Variants in LRG1 observed in about 807,000 individuals in gnomAD.
LRG1 encodes leucine rich alpha-2-glycoprotein 1.
In LRG1, 1 loss-of-function variant was observed where a neutral mutation model predicts 2.4. The ratio of observed to expected loss-of-function variants is 0.41; its 90% CI spans 0.15 to 1.95. LRG1 has a LOEUF of 1.95. Ranked by LOEUF, LRG1 falls within the 30% of genes most tolerant of loss-of-function variation. The pLI is 0.30. For synonymous variants in LRG1, 226 were observed against 210.6 expected (o/e 1.07, Z -0.63); for missense variants, 425 against 436.9 (o/e 0.97, Z 0.24).
rs147721505 is a variant in LRG1, at chr19:4,538,746, G to A, written c.238C>T (p.Leu80=). 4.5e-4 allele frequency: 718 copies of A among 1,606,060 alleles called. 5 individuals carry two copies. The African/African-American group carries it at 9.2e-3, about 21-fold the overall frequency. ...AGGAGGTTGGCTGGCAGGTGGGTCAGGTTGAAGAATTCCACGGCCAGGTGC... is the reference window on the plus strand; with the variant it reads ...AGGAGGTTGGCTGGCAGGTGGGTCAAGTTGAAGAATTCCACGGCCAGGTGC... The part of the protein sequence containing the change: ...TVHLAVEFFN[L]THLPANLLQG... The change falls in exon 2 of 2, where the codon CTG becomes TTG. Residue 80 remains leucine (L), a synonymous_variant. Coordinates refer to ENST00000306390, the MANE Select transcript of LRG1 (RefSeq NM_052972.3).
intron 1 of LRG1, 26 bp from the exon 2 acceptor site, chr19:4,538,977 A>T: frequency 2.0e-6 from 3 of 1,490,316 alleles, no homozygotes; most frequent in Middle Eastern, 1.8e-4. Flanking sequence ...GAAGATGCTT[A>T]CTAAACCACA....
Position 4,538,446 on chromosome 19 carries a change from G to C in LRG1, c.538C>G (p.Pro180Ala), listed in dbSNP as rs754014243. 4 of 1,614,080 alleles carry C rather than the reference G, an allele frequency of 2.5e-6. No homozygotes were observed. The highest frequency in any genetic ancestry group is 3.4e-6 in the Non-Finnish European group (4 of 1,180,026). Residue 180 changes from proline (P) to alanine (A), a missense_variant, in exon 2 of 2, where the codon CCC (proline) becomes GCC (alanine). By Grantham distance (27) the Pro-to-Ala change is conservative. Coordinates refer to ENST00000306390, the MANE Select transcript of LRG1 (RefSeq NM_052972.3). Reference sequence around the variant, plus strand: ...GTGAAGTTGGCCAGCAGCCCGGGGGGCAGTTTCCGGAGGCGGTTCCCAGAC... The same window carrying C: ...GTGAAGTTGGCCAGCAGCCCGGGGGCCAGTTTCCGGAGGCGGTTCCCAGAC... ...DLSGNRLRKLPPGLLANFTLL... is the reference protein window; with the variant it reads ...DLSGNRLRKLAPGLLANFTLL...
rs1568248662 is a variant in LRG1, at chr19:4,538,314, A to AT, written c.669dup (p.Leu224IlefsTer47). 1 of 1,614,172 alleles carries AT rather than the reference A, an allele frequency of 6.2e-7. No individual in the cohort carries two copies. Among genetic ancestry groups the AT allele is most frequent in the Admixed American group, 1.7e-5 (1 of 60,024 alleles). ...AGGAGATCTTTTCCCAGTACTTGCA[A>AT]TTTGTTGCCTTCTAGATGTAGCCGT... On this transcript the variant is annotated frameshift_variant, in exon 2 of 2. Coordinates refer to ENST00000306390, the MANE Select transcript of LRG1 (RefSeq NM_052972.3). LOFTEE classifies it low-confidence loss of function (END_TRUNC).
At chr19:4,539,862 T>C in intron 1 of LRG1, 120 bp downstream of exon 1, 1 of 1,165,878 alleles carries the variant, frequency 8.6e-7, no homozygotes, top group Non-Finnish European at 1.3e-6. Context: ...AAGGTTGATC[T>C]GTGCCAGCCA....
rs116733978 is a variant in LRG1 at position 4,539,992 on chromosome 19, G to A, written c.22C>T (p.Arg8Ter). 179 of 1,614,102 alleles carry A rather than the reference G, an allele frequency of 1.1e-4. No individual in the cohort carries two copies. The African/African-American group carries it at 2.1e-3, about 19-fold the overall frequency. The stretch of plus-strand genomic sequence containing the variant: ...AGTGTGGGGACCTACCTTTTTGGTC[G>A]CTGTCTGCTCCAAGAGGACATGGTA... The part of the protein sequence containing the change: MSSWSRQ[R>*]PKSPGGIQPH... The change falls in exon 1 of 2, where the codon CGA becomes TGA. Residue 8 changes from arginine to a stop codon, truncating the protein, a stop_gained. Transcript: ENST00000306390. LOFTEE classifies it low-confidence loss of function (END_TRUNC).
chr19:4,538,720 G>A lies in LRG1; in HGVS notation c.264C>T (p.Leu88=). ...ATTCTTGGAGCTTAGAGGCGCCCTG[G>A]AGGAGGTTGGCTGGCAGGTGGGTCA... ...FNLTHLPANL[L]QGASKLQELH... Residue 88 remains leucine (L), a synonymous_variant, in exon 2 of 2, where the codon CTC becomes CTT. Transcript: ENST00000306390. The A allele has an allele frequency of 6.2e-7, 1 of 1,604,654 alleles. No homozygotes were observed. Among genetic ancestry groups the A allele is most frequent in the Non-Finnish European group, 8.5e-7 (1 of 1,171,998 alleles).
rs1393980523 is a variant in LRG1, at chr19:4,539,101, G to C, written c.33-150C>G. ...CTCATCTCTCACCTGTACTAGGGCA[G>C]TTGCTTCCTCCTCCTCTTCCAGCTT... On this transcript the variant is annotated intron_variant, in intron 1 of 1. Transcript: ENST00000306390. The C allele has an allele frequency of 4.3e-5, 27 of 634,794 alleles. No individual in the cohort carries two copies. In the East Asian group the frequency reaches 8.2e-4, roughly 19 times the overall value. 39.3% of individuals were successfully genotyped at this position (634,794 alleles called of 1,614,324 possible).
At chr19:4,539,019 C>A in intron 1 of LRG1, 68 bp from the exon 2 acceptor site, 1 of 1,410,934 alleles carries the variant, frequency 7.1e-7, no homozygotes, top group South Asian at 1.6e-5. Flanking sequence ...TGAAAATACA[C>A]CAGCAAATCC....
At position 4,538,417 on chromosome 19, in the gene LRG1, G is replaced by A; in HGVS notation, c.567C>T (p.Leu189=). Residue 189 remains leucine (L), a synonymous_variant, in exon 2 of 2, where the codon CTC becomes CTT. Transcript: ENST00000306390. ...LPPGLLANFT[L]LRTLDLGENQ... ...TCTCCCCAAGGTCAAGGGTGCGCAGGAGGGTGAAGTTGGCCAGCAGCCCGG... is the reference window on the plus strand; with the variant it reads ...TCTCCCCAAGGTCAAGGGTGCGCAGAAGGGTGAAGTTGGCCAGCAGCCCGG... The A allele has an allele frequency of 6.2e-7, 1 of 1,614,172 alleles. No homozygotes were observed. Among genetic ancestry groups the A allele is most frequent in the Non-Finnish European group, 8.5e-7 (1 of 1,180,046 alleles).
In LRG1 at chr19:4,538,783, T is replaced by G. The variant is rs574490473; in HGVS notation, c.201A>C (p.Pro67=). The part of the protein sequence containing the change: ...QPPAEIPGYL[P]ADTVHLAVEF... Reference sequence around the variant, plus strand: ...CCACGGCCAGGTGCACGGTGTCGGCTGGCAGGTAGCCGGGGATTTCGGCAG... The same window carrying G: ...CCACGGCCAGGTGCACGGTGTCGGCGGGCAGGTAGCCGGGGATTTCGGCAG... The change falls in exon 2 of 2, where the codon CCA becomes CCC. Residue 67 remains proline (P), a synonymous_variant. Coordinates refer to ENST00000306390, the MANE Select transcript of LRG1 (RefSeq NM_052972.3). 5 of 1,605,674 alleles carry G rather than the reference T, an allele frequency of 3.1e-6. No individual in the cohort carries two copies. The highest frequency in any genetic ancestry group is 3.4e-6 in the Non-Finnish European group (4 of 1,173,522).
chr19:4,539,031 C>T (rs1976983929), intron 1 of LRG1, 80 bp from the exon 2 acceptor site: 1 of 1,328,080 alleles, frequency 7.5e-7, no homozygotes, highest in Non-Finnish European at 1.0e-6. Context: ...AGCAAATCCG[C>T]CCACTTCTTC....
intron 1 of LRG1, chr19:4,539,186 T>C: frequency 2.7e-6 from 1 of 367,262 alleles, no homozygotes; most frequent in Non-Finnish European, 4.9e-6. Flanking sequence ...ATTATAATTC[T>C]AGGAAAGTTG....
rs776847351 is a variant in LRG1, at chr19:4,538,530, G to A, written c.454C>T (p.Leu152=). Residue 152 remains leucine (L), a synonymous_variant, in exon 2 of 2, where the codon CTG becomes TTG. Coordinates refer to ENST00000306390, the MANE Select transcript of LRG1 (RefSeq NM_052972.3). The stretch of plus-strand genomic sequence containing the variant: ...AGCCACGAGACCTCCAGGACCTCCA[G>A]CTGGTTTTCTTTCAATACCAGGGTG... ...LDTLVLKENQ[L]EVLEVSWLHG... The A allele has an allele frequency of 6.2e-7, 1 of 1,613,872 alleles. No individual in the cohort carries two copies. The highest frequency in any genetic ancestry group is 1.3e-5 in the African/African-American group (1 of 75,070).
At chr19:4,539,005 T>C in intron 1 of LRG1, 54 bp from the exon 2 acceptor site, 1 of 1,451,782 alleles carries the variant, frequency 6.9e-7, no homozygotes, top group Non-Finnish European at 9.1e-7. Flanking sequence ...TACACTCAGC[T>C]AGGTGAAAAT....
At chr19:4,539,733 G>A (rs1976990288) in intron 1 of LRG1, among the ~76,000 whole-genome samples, 1 of 152,142 alleles carries the variant, frequency 6.6e-6, no homozygotes. Flanking sequence ...GACAGCCTTG[G>A]TCACTGTGGC....
rs545216965 is a variant in LRG1 at position 4,538,441 on chromosome 19, G to A, written c.543C>T (p.Pro181=). 13 of 1,613,848 alleles carry A rather than the reference G, an allele frequency of 8.1e-6. No homozygotes were observed. Among genetic ancestry groups the A allele is most frequent in the Admixed American group, 3.3e-5 (2 of 60,012 alleles). ...GGAGGGTGAAGTTGGCCAGCAGCCC[G>A]GGGGGCAGTTTCCGGAGGCGGTTCC... ...LSGNRLRKLP[P]GLLANFTLLR... Residue 181 remains proline (P), a synonymous_variant, in exon 2 of 2, where the codon CCC becomes CCT. Transcript: ENST00000306390.
Position 4,538,836 on chromosome 19 carries a change from G to T in LRG1, c.148C>A (p.His50Asn), listed in dbSNP as rs774002244. 1.3e-5 allele frequency: 20 copies of T among 1,590,506 alleles called. No homozygotes were observed. In the East Asian group the frequency reaches 4.3e-4, roughly 34 times the overall value. ...GGTTGACAGGAGATGGAGCTGCCAT[G>T]GTCTGAGCGGAACACCTGGCAGTCT... ...PKDCQVFRSD[H>N]GSSISCQPPA... Residue 50 changes from histidine (H) to asparagine (N), a missense_variant, in exon 2 of 2, where the codon CAT (histidine) becomes AAT (asparagine). By Grantham distance (68) the His-to-Asn change is moderately conservative. Coordinates refer to ENST00000306390, the MANE Select transcript of LRG1 (RefSeq NM_052972.3).
Position 4,538,304 on chromosome 19 carries a change from A to C in LRG1, c.680T>G (p.Leu227Arg). The change falls in exon 2 of 2, where the codon CTG (leucine) becomes CGG (arginine). Residue 227 changes from leucine (L) to arginine (R), a missense_variant. Leu to Arg is a moderately radical substitution (Grantham distance 102). Coordinates refer to ENST00000306390, the MANE Select transcript of LRG1 (RefSeq NM_052972.3). ...CTGCGGCAAGAGGAGATCTTTTCCC[A>C]GTACTTGCAATTTGTTGCCTTCTAG... The part of the protein sequence containing the change: ...LHLEGNKLQV[L>R]GKDLLLPQPD... 6.2e-7 allele frequency: 1 copy of C among 1,614,218 alleles called. No individual in the cohort carries two copies. The highest frequency in any genetic ancestry group is 1.3e-5 in the African/African-American group (1 of 75,066).
chr19:4,537,790 A>G lies in LRG1; in HGVS notation c.*150T>C, dbSNP rs983840486. The G allele has an allele frequency of 5.0e-6, 4 of 793,200 alleles. No homozygotes were observed. In the African/African-American group the frequency reaches 7.0e-5, roughly 14 times the overall value. 49.1% of individuals were successfully genotyped at this position (793,200 alleles called of 1,614,324 possible). On this transcript the variant is annotated 3_prime_UTR_variant, in exon 2 of 2. Coordinates refer to ENST00000306390, the MANE Select transcript of LRG1 (RefSeq NM_052972.3). The stretch of plus-strand genomic sequence containing the variant: ...CACCATGTTAGCCAAGATGGTCTCG[A>G]TCTCCTGACCTCGTGATCCGCCCAC...
Sources: gnomAD v4.1 joint callset for allele counts (sites outside exome capture counted in the v4.1 genomes callset) on GRCh38, gnomAD v4.1.1 for gene constraint, MANE v1.5 for transcripts, NCBI Gene and HGNC (gene_info 2026-07-23, HGNC 2026-07-21) for gene names.